The following RANBP1 variants were observed in gnomAD, a reference collection of about 807,000 sequenced individuals.
RANBP1 encodes RAN binding protein 1.
In RANBP1, 16 loss-of-function variants were observed where a neutral mutation model predicts 31.4. That is an observed-to-expected ratio of 0.51 (90% CI 0.34 to 0.77). RANBP1 has a LOEUF of 0.77. RANBP1 is among the 30% of genes least tolerant of loss of function. The probability of loss-of-function intolerance (pLI) is 0.01; values close to 1 mark genes in which losing one functional copy is unlikely to be tolerated. For synonymous variants in RANBP1, 129 were observed against 140.5 expected (o/e 0.92, Z 0.58); for missense variants, 265 against 362.0 (o/e 0.73, Z 2.17).
chr22:20,123,346 T>G (rs1247052937), intron 3 of RANBP1, among the ~76,000 whole-genome samples: 7 of 62,276 alleles, frequency 1.1e-4, no homozygotes, highest in Non-Finnish European at 1.2e-4. Flanking sequence ...GGTGTTGGGG[T>G]GTGTGGTGTC....
chr22:20,120,346 G>T (rs1325689119), intron 2 of RANBP1, among the ~76,000 whole-genome samples: 2 of 152,236 alleles, frequency 1.3e-5, no homozygotes, highest in African/African-American at 4.8e-5. Flanking sequence ...TTTGGGAGTA[G>T]CTCTTTGCTG....
rs536092689 is a variant in RANBP1, at chr22:20,123,438, G to C, written c.541+1017G>C. On this transcript the variant is annotated intron_variant, in intron 3 of 5. Transcript: ENST00000430524. ...TGTTGGGGTGTGTGGTGTTGGGGGGGGTGTGTGGTGTCTGGGGGGGTTTGG... is the reference window on the plus strand; with the variant it reads ...TGTTGGGGTGTGTGGTGTTGGGGGGCGTGTGTGGTGTCTGGGGGGGTTTGG... Among the ~76,000 whole-genome samples, 629 of 93,400 alleles carry C rather than the reference G, an allele frequency of 6.7e-3. 12 individuals are homozygous for C. Among genetic ancestry groups the C allele is most frequent in the Middle Eastern group, 0.011 (2 of 176 alleles). The allele number at this position is 93,400 out of a possible 152,430, so 61.3% of individuals were successfully genotyped here. A position where few individuals can be genotyped will look rare whatever the true frequency, so the allele number is the denominator to read the frequency against.
intron 5 of RANBP1, 86 bp downstream of exon 5, chr22:20,126,454 G>C: frequency 6.2e-7 from 1 of 1,608,366 alleles, no homozygotes; most frequent in Non-Finnish European, 8.5e-7. Context: ...TTTTCTGTCT[G>C]CCAGATAAAC....
At position 20,126,998 on chromosome 22, in the gene RANBP1, A is replaced by G. The variant is rs2050314711; in HGVS notation, c.783A>G (p.Leu261=). The change falls in exon 6 of 6, where the codon CTA becomes CTG. Residue 261 remains leucine, a synonymous_variant. Transcript: ENST00000430524. Reference sequence around the variant, plus strand: ...ATGCCGAAAAAGTGGCGGAAAAGCTAGAAGCTCTCTCGGTGAAGGAGGAGA... The same window carrying G: ...ATGCCGAAAAAGTGGCGGAAAAGCTGGAAGCTCTCTCGGTGAAGGAGGAGA... ...NDHAEKVAEK[L]EALSVKEETK... is the part of the protein sequence containing the mutation. 1 of 1,613,738 alleles carries G rather than the reference A, an allele frequency of 6.2e-7. No individual in the cohort carries two copies. The highest frequency in any genetic ancestry group is 8.5e-7 in the Non-Finnish European group (1 of 1,179,874).
At chr22:20,122,571 G>A (rs761698724) in intron 3 of RANBP1, 150 bp downstream of exon 3, 24 of 1,545,244 alleles carry the variant, frequency 1.6e-5, no homozygotes, top group South Asian at 4.8e-5. Context: ...CCAGAAATAC[G>A]TTTTTCAGAC....
chr22:20,123,420 GT>G (rs2050229105), intron 3 of RANBP1, among the ~76,000 whole-genome samples: 2 of 70,680 alleles, frequency 2.8e-5, no homozygotes, highest in Non-Finnish European at 6.7e-5. Context: ...GGGTGTTGGG[GT>G]GTGTGGTGTT....
intron 5 of RANBP1, chr22:20,126,617 C>T: frequency 6.5e-7 from 1 of 1,527,248 alleles, no homozygotes; most frequent in Non-Finnish European, 8.8e-7. Context: ...TGGAGCTCAC[C>T]AGAAGGTGCT....
In RANBP1 at chr22:20,119,002, T is replaced by C; in HGVS notation, c.247-11T>C. 6.2e-7 allele frequency: 1 copy of C among 1,610,572 alleles called. No homozygotes were observed. Among genetic ancestry groups the C allele is most frequent in the East Asian group, 2.2e-5 (1 of 44,854 alleles). ...ATAGGCCAGCAGTGTAACCTCTTTG[T>C]ATCTCCACAGGACACTCATGAGGAC... On this transcript the variant is annotated splice_polypyrimidine_tract_variant and intron_variant, in intron 1 of 5. Transcript: ENST00000430524.
chr22:20,118,301 C>A, intron 1 of RANBP1: 1 of 1,002,410 alleles, frequency 1.0e-6, no homozygotes, highest in Non-Finnish European at 1.2e-6. Flanking sequence ...TTACGGACTT[C>A]TGGGTGACCA....
intron 4 of RANBP1, 96 bp downstream of exon 4, chr22:20,125,532 GA>G: frequency 1.3e-6 from 2 of 1,543,630 alleles, no homozygotes; most frequent in South Asian, 1.2e-5. Context: ...CTTTTGGGGA[GA>G]GGGGGCAGTA....
At chr22:20,116,548 G>A (rs1297624838) in intron 1 of RANBP1, 118 bp downstream of exon 1, 2 of 1,596,344 alleles carry the variant, frequency 1.3e-6, no homozygotes, top group Non-Finnish European at 1.7e-6. Flanking sequence ...AGGGGGCACC[G>A]AGACGGTAGG....
rs762309262 is a variant in RANBP1, at chr22:20,118,893, C to T, written c.247-120C>T. On this transcript the variant is annotated intron_variant, in intron 1 of 5. Coordinates refer to ENST00000430524, the MANE Select transcript of RANBP1 (RefSeq NM_001278639.2). The stretch of plus-strand genomic sequence containing the variant: ...CCTAATTTCTTGCTTTGGGGTTGGG[C>T]CCATCCTTGTATCTGAAGTCCCTTC... 34 of 1,047,638 alleles carry T rather than the reference C, an allele frequency of 3.2e-5. 1 individual carries two copies. The highest frequency in any genetic ancestry group is 4.6e-5 in the Non-Finnish European group (33 of 717,616). The allele number at this position is 1,047,638 out of a possible 1,614,324, so 64.9% of individuals were successfully genotyped here.
rs374854124 is a variant in RANBP1, at chr22:20,116,393, G to A, written c.209G>A (p.Arg70Gln). Residue 70 changes from arginine (R) to glutamine (Q), a missense_variant, in exon 1 of 6, where the codon CGA becomes CAA. Physicochemically the swap from Arg to Gln is conservative, Grantham distance 43. Around this residue, in one of 3 missense-constraint regions of RANBP1, gnomAD observed 126 missense variants for 123.6 expected, o/e 1.02. Coordinates refer to ENST00000430524, the MANE Select transcript of RANBP1 (RefSeq NM_001278639.2). ...KRRTSLKLAWRGTFCSSSLKI... is the reference protein window; with the variant it reads ...KRRTSLKLAWQGTFCSSSLKI... ...CGGACGTCGCTGAAGCTGGCGTGGC[G>A]AGGCACGTTCTGCAGCTCCAGTTTA... 14 of 1,611,960 alleles carry A rather than the reference G, an allele frequency of 8.7e-6. No individual in the cohort carries two copies. The highest frequency in any genetic ancestry group is 1.7e-5 in the Admixed American group (1 of 60,020).
chr22:20,123,208 G>T (rs2050220011), intron 3 of RANBP1, among the ~76,000 whole-genome samples: 1 of 133,396 alleles, frequency 7.5e-6, no homozygotes, highest in Non-Finnish European at 1.6e-5. Context: ...GTCTGGGGAG[G>T]TGTACAGTGT....
chr22:20,124,998 T>C (rs738024), intron 3 of RANBP1: 18,071 of 355,468 alleles, frequency 0.051, 589 homozygotes, highest in South Asian at 0.094. Flanking sequence ...GGTGGGGGTC[T>C]GTGTGCCAAG....
At chr22:20,118,483 T>C (rs779143039) in intron 1 of RANBP1, among the ~76,000 whole-genome samples, 3 of 152,250 alleles carry the variant, frequency 2.0e-5, no homozygotes, top group Non-Finnish European at 4.4e-5. Flanking sequence ...GTGTAAATAC[T>C]AGCAGTCCTG....
At chr22:20,119,261 G>C in intron 2 of RANBP1, 112 bp downstream of exon 2, 1 of 1,071,168 alleles carries the variant, frequency 9.3e-7, no homozygotes, top group East Asian at 2.4e-5. Context: ...CTTAAAGAAA[G>C]GGCCTAAAGT....
intron 3 of RANBP1, chr22:20,122,633 T>C (rs1357943626): frequency 1.3e-6 from 2 of 1,507,006 alleles, no homozygotes; most frequent in South Asian, 2.4e-5. Flanking sequence ...CACACGGGGG[T>C]GTGGAGTCAG....
In RANBP1 at chr22:20,116,382, G is replaced by A. The variant is rs1163366433; in HGVS notation, c.198G>A (p.Lys66=). ...CCAGGAAGCGCCGGACGTCGCTGAAGCTGGCGTGGCGAGGCACGTTCTGCA... is the reference window on the plus strand; with the variant it reads ...CCAGGAAGCGCCGGACGTCGCTGAAACTGGCGTGGCGAGGCACGTTCTGCA... ...KRPRKRRTSL[K]LAWRGTFCSS... The change falls in exon 1 of 6, where the codon AAG becomes AAA. Residue 66 remains lysine (K), a synonymous_variant. Coordinates refer to ENST00000430524, the MANE Select transcript of RANBP1 (RefSeq NM_001278639.2). 6.2e-7 allele frequency: 1 copy of A among 1,612,170 alleles called. No individual in the cohort carries two copies. Among genetic ancestry groups the A allele is most frequent in the South Asian group, 1.1e-5 (1 of 91,080 alleles).
Sources: allele counts gnomAD v4.1 joint callset (sites outside exome capture counted in the v4.1 genomes callset), GRCh38; gene constraint gnomAD v4.1.1; regional missense constraint gnomAD v4.1.1; transcripts MANE v1.5; gene names NCBI Gene and HGNC (gene_info 2026-07-23, HGNC 2026-07-21).